Variants in ZNF600 observed in about 807,000 individuals in gnomAD.
ZNF600 encodes zinc finger protein 600.
A neutral mutation model predicts 7.3 loss-of-function variants in ZNF600; 4 were observed. The ratio of observed to expected loss-of-function variants is 0.55; its 90% CI spans 0.27 to 1.25. The LOEUF is 1.25. ZNF600 is among the 50% of genes most tolerant of loss of function. The pLI is 0.12. For missense variants in ZNF600, 911 were observed against 922.1 expected, an observed-to-expected ratio of 0.99 and a Z score of 0.16; for synonymous variants, 290 against 308.9, an observed-to-expected ratio of 0.94 and a Z score of 0.64.
the ZNF600 span, chr19:52,806,074 A>G: frequency 6.6e-6 from 1 of 152,232 alleles, no homozygotes; most frequent in African/African-American, 2.4e-5. Flanking sequence ...ATTTAAAATA[A>G]AAGGCATGAA....
In ZNF600 at chr19:52,780,658, T is replaced by A. The variant is rs1027385009; in HGVS notation, c.-19-1751A>T. 3 of 151,580 alleles carry A rather than the reference T, an allele frequency of 2.0e-5. No individual in the cohort carries two copies. Among genetic ancestry groups the A allele is most frequent in the Admixed American group, 6.6e-5 (1 of 15,190 alleles). The allele number at this position is 151,580 out of a possible 1,614,324, so 9.4% of individuals were successfully genotyped here. On this transcript the variant is annotated intron_variant, in intron 1 of 3. An upstream open reading frame in the 5' UTR loses its in-frame stop. Coordinates refer to ENST00000648973, the Ensembl canonical transcript of ZNF600. ...AAGGAGAATCCCTTGATCCCAGGAG[T>A]CAGAGGTTGCAGTGAGCTGATATCA...
chr19:52,767,816 G>A, intron 3 of ZNF600, 44 bp from the exon 6 acceptor site: 3 of 1,513,362 alleles, frequency 2.0e-6, no homozygotes, highest in South Asian at 2.8e-5. Context: ...AAGTACAGAT[G>A]GTAAATCATA....
At chr19:52,788,191 T>G (rs2062781030), upstream of ZNF600, among the ~76,000 whole-genome samples, 1 of 152,152 alleles carries the variant, frequency 6.6e-6, no homozygotes, top group Non-Finnish European at 1.5e-5. Context: ...TAAGTGAAGA[T>G]GACAAGGACT....
At chr19:52,820,902 T>A in the ZNF600 span, among the ~76,000 whole-genome samples, 232 of 152,106 alleles carry the variant, frequency 1.5e-3, 2 homozygotes, top group African/African-American at 5.1e-3. Context: ...GCTCTCTTAG[T>A]CCCTCTCTCT....
In ZNF600 at chr19:52,765,568, CTT is replaced by C. The variant is rs775359166; in HGVS notation, c.*17_*18del. 2.0e-5 allele frequency: 32 copies of C among 1,613,590 alleles called. No individual in the cohort carries two copies. In the African/African-American group the frequency reaches 3.6e-4, roughly 18 times the overall value. ...GCAATGGTTGTAGCGTTACTGAAGA[CTT>C]TGTGACAATCATTACATTAGTCAAG... On this transcript the variant is annotated 3_prime_UTR_variant, in exon 4 of 4. Coordinates refer to ENST00000648973, the Ensembl canonical transcript of ZNF600.
At chr19:52,767,868 G>T in intron 3 of ZNF600, 96 bp from the exon 6 acceptor site, 1 of 1,434,910 alleles carries the variant, frequency 7.0e-7, no homozygotes, top group South Asian at 1.7e-5. Flanking sequence ...TACTTATTTT[G>T]AACTTCCCAA....
intron 3 of ZNF600, among the ~76,000 whole-genome samples, chr19:52,773,872 A>G (rs1319945223): frequency 6.6e-6 from 1 of 151,540 alleles, no homozygotes. Context: ...CTCCATCTAA[A>G]AAAAAAAAGA....
the ZNF600 span, among the ~76,000 whole-genome samples, chr19:52,793,764 C>CCA: frequency 5.4e-3 from 756 of 138,762 alleles, 5 homozygotes; most frequent in Middle Eastern, 7.1e-3. Flanking sequence ...CCAAACTCTG[C>CCA]CACACACACA....
the ZNF600 span, among the ~76,000 whole-genome samples, chr19:52,797,023 A>T: frequency 2.7e-3 from 413 of 152,346 alleles, 3 homozygotes; most frequent in African/African-American, 8.8e-3. Context: ...AAGAGGATAT[A>T]AAAAGGATTG....
At chr19:52,781,386 C>G (rs1030715581) in intron 1 of ZNF600, 5 of 152,028 alleles carry the variant, frequency 3.3e-5, no homozygotes, top group Non-Finnish European at 7.3e-5. Flanking sequence ...CTGAGATGTT[C>G]TGAGGTGAGG....
At chr19:52,796,788 C>A in the ZNF600 span, among the ~76,000 whole-genome samples, 1 of 152,136 alleles carries the variant, frequency 6.6e-6, no homozygotes, top group South Asian at 2.1e-4. Flanking sequence ...TTTGATATTT[C>A]TTCTTGTTTC....
the ZNF600 span, chr19:52,800,939 T>C: frequency 6.2e-7 from 1 of 1,614,188 alleles, no homozygotes; most frequent in Non-Finnish European, 8.5e-7. Context: ...TGTCACATTC[T>C]TCACATTCAT....
intron 2 of ZNF600, 56 bp from the exon 5 acceptor site, chr19:52,774,757 C>T: frequency 1.0e-6 from 1 of 985,384 alleles, no homozygotes; most frequent in South Asian, 4.7e-5. Context: ...TTATCACCTT[C>T]ATGGGAAATG....
the ZNF600 span, chr19:52,801,580 T>C: frequency 1.2e-6 from 2 of 1,614,052 alleles, no homozygotes; most frequent in African/African-American, 2.7e-5. Context: ...TTCTCAATTT[T>C]CTGGAAGCAA....
chr19:52,798,481 A>C, the ZNF600 span: 1 of 488,120 alleles, frequency 2.0e-6, no homozygotes, highest in Non-Finnish European at 4.2e-6. Flanking sequence ...GCAAGGAGTG[A>C]TCTCGGACTG....
chr19:52,803,997 C>T, the ZNF600 span, among the ~76,000 whole-genome samples: 1 of 152,144 alleles, frequency 6.6e-6, no homozygotes, highest in African/African-American at 2.4e-5. Context: ...CTCAAATAAG[C>T]TTTGGTAGAT....
chr19:52,793,986 AG>A, the ZNF600 span, among the ~76,000 whole-genome samples: 5 of 152,196 alleles, frequency 3.3e-5, no homozygotes, highest in African/African-American at 9.7e-5. Context: ...TGAGACGTGT[AG>A]GACTGCAAGG....
At chr19:52,765,332 A>C (rs1600366769) in exon 4 of ZNF600, 12 of 713,074 alleles carry the variant, frequency 1.7e-5, no homozygotes, top group Non-Finnish European at 3.1e-5. Flanking sequence ...CACAATCATC[A>C]CACATGTGAG....
At chr19:52,807,813 C>G in the ZNF600 span, 6 of 980,724 alleles carry the variant, frequency 6.1e-6, no homozygotes, top group South Asian at 1.0e-4. Context: ...TCTGGAAGCT[C>G]CACTGAGCTA....
Sources: allele counts gnomAD v4.1 joint callset (sites outside exome capture counted in the v4.1 genomes callset), GRCh38; gene constraint gnomAD v4.1.1; transcripts MANE v1.5; gene names NCBI Gene and HGNC (gene_info 2026-07-23, HGNC 2026-07-21).